DLG2: variants seen among roughly 807,000 people sequenced by gnomAD.
DLG2 encodes the protein discs large MAGUK scaffold protein 2, also known as disks large homolog 2.
DLG2 carries 45 observed loss-of-function variants against 132.5 expected under a neutral mutation model. That is an observed-to-expected ratio of 0.34 (90% CI 0.27 to 0.44). The LOEUF is 0.44. Among genes scored for constraint, DLG2 ranks in the 20% least tolerant of loss-of-function variants. The pLI, the probability that DLG2 is intolerant of heterozygous loss-of-function variation, is 1.00. For missense variants in DLG2, 1,045 were observed against 1,196.9 expected, an observed-to-expected ratio of 0.87 and a Z score of 1.87; for synonymous variants, 424 against 419.6, an observed-to-expected ratio of 1.01 and a Z score of -0.13.
At position 85,358,237 on chromosome 11, in the gene DLG2, T is replaced by C. The variant is rs370762834; in HGVS notation, c.41-72872A>G. Among the ~76,000 whole-genome samples the C allele has an allele frequency of 2.0e-5, 3 of 152,168 alleles. No individual in the cohort carries two copies. In the South Asian group the frequency reaches 6.2e-4, roughly 32 times the overall value. On this transcript the variant is annotated intron_variant, in intron 3 of 27. Coordinates refer to ENST00000376104, the MANE Select transcript of DLG2 (RefSeq NM_001142699.3). ...TTTAAAAAGAAATCACAGAAGTAGA[T>C]ACTGGGATTTTTCACTTCAATTACA...
chr11:83,554,814 G>C (rs900067500), intron 19 of DLG2, among the ~76,000 whole-genome samples: 6 of 152,128 alleles, frequency 3.9e-5, no homozygotes, highest in African/African-American at 1.4e-4. Flanking sequence ...TCTGAAAATA[G>C]TCAATACAGT....
At chr11:84,211,926 A>G (rs1054848570) in intron 8 of DLG2, among the ~76,000 whole-genome samples, 1 of 152,194 alleles carries the variant, frequency 6.6e-6, no homozygotes, top group Non-Finnish European at 1.5e-5. Flanking sequence ...CTTCTATTCT[A>G]TATAAGAGGA....
intron 3 of DLG2, among the ~76,000 whole-genome samples, chr11:85,400,453 A>C (rs1181352659): frequency 1.3e-5 from 2 of 148,368 alleles, no homozygotes; most frequent in Non-Finnish European, 3.0e-5. Flanking sequence ...AAGGATTATA[A>C]ATCATGCTGC....
At position 84,978,745 on chromosome 11, in the gene DLG2, C is replaced by A. The variant is rs1432725631; in HGVS notation, c.357+132916G>T. Among the ~76,000 whole-genome samples, 4 of 152,096 alleles carry A rather than the reference C, an allele frequency of 2.6e-5. No individual in the cohort carries two copies. In the East Asian group the frequency reaches 7.7e-4, roughly 29 times the overall value. On this transcript the variant is annotated intron_variant, in intron 6 of 27. Coordinates refer to ENST00000376104, the MANE Select transcript of DLG2 (RefSeq NM_001142699.3). The stretch of plus-strand genomic sequence containing the variant: ...AACCTAGGCAATACCTTTCAGGACA[C>A]AGGCATGGGCAAGGACGTCATGTCT...
At chr11:83,758,921 G>C (rs1038477420) in intron 18 of DLG2, among the ~76,000 whole-genome samples, 8 of 152,008 alleles carry the variant, frequency 5.3e-5, no homozygotes, top group African/African-American at 1.9e-4. Context: ...TGATGAAGCA[G>C]AAACTATAAA....
intron 3 of DLG2, among the ~76,000 whole-genome samples, chr11:85,519,494 C>T (rs576469387): frequency 7.2e-4 from 110 of 152,220 alleles, no homozygotes; most frequent in African/African-American, 2.6e-3. Context: ...CTGTACTTAC[C>T]CAATACCTGT....
rs188075729 is a variant in DLG2 at position 84,003,543 on chromosome 11, A to T, written c.920-22901T>A. Among the ~76,000 whole-genome samples, 145 of 152,244 alleles carry T rather than the reference A, an allele frequency of 9.5e-4. 2 individuals carry two copies. The East Asian group carries it at 0.018, about 19-fold the overall frequency. On this transcript the variant is annotated intron_variant, in intron 11 of 27. Coordinates refer to ENST00000376104, the MANE Select transcript of DLG2 (RefSeq NM_001142699.3). ...GCAGAAGGTGAACTGGAAGAAAGAC[A>T]CCTTCTTCACAAGGTGGCAGGAAGC...
intron 7 of DLG2, among the ~76,000 whole-genome samples, chr11:84,366,266 G>C (rs918918437): frequency 2.0e-5 from 3 of 151,932 alleles, no homozygotes; most frequent in African/African-American, 7.3e-5. Flanking sequence ...CAAATGCTGA[G>C]AGATTTTGTC....
At chr11:84,067,556 C>CCA (rs35165434) in intron 10 of DLG2, among the ~76,000 whole-genome samples, 6,495 of 148,820 alleles carry the variant, frequency 0.044, 374 homozygotes, top group African/African-American at 0.14. Context: ...ACACCCCCCA[C>CCA]CACACACACA....
chr11:84,585,113 T>C (rs2099526521), intron 6 of DLG2, among the ~76,000 whole-genome samples: 1 of 152,208 alleles, frequency 6.6e-6, no homozygotes, highest in East Asian at 1.9e-4. Context: ...AAATGTTTAA[T>C]ATTTTGCCTT....
chr11:85,089,537 A>G (rs1593986636), intron 6 of DLG2, among the ~76,000 whole-genome samples: 1 of 152,274 alleles, frequency 6.6e-6, no homozygotes, highest in South Asian at 2.1e-4. Context: ...CTGTTGATGG[A>G]CACCTAGGTG....
At chr11:83,600,666 C>T (rs1079415) in intron 19 of DLG2, among the ~76,000 whole-genome samples, 2,038 of 152,316 alleles carry the variant, frequency 0.013, 49 homozygotes, top group African/African-American at 0.046. Context: ...GGGTGCATTA[C>T]TGCCCACACA....
chr11:84,490,535 C>T (rs1253543906), intron 7 of DLG2, among the ~76,000 whole-genome samples: 1 of 151,282 alleles, frequency 6.6e-6, no homozygotes, highest in Non-Finnish European at 1.5e-5. Flanking sequence ...TGATGACTCT[C>T]AGCGGAGATT....
chr11:83,897,348 C>T lies in DLG2; in HGVS notation c.1497-22860G>A, dbSNP rs539861548. 2.0e-5 allele frequency among the ~76,000 whole-genome samples: 3 copies of T among 152,290 alleles called. No individual in the cohort carries two copies. In the South Asian group the frequency reaches 6.2e-4, roughly 32 times the overall value. On this transcript the variant is annotated intron_variant, in intron 15 of 27. Transcript: ENST00000376104. ...TGAGGAAACAAACAAAACAGAAAAGCATTGATTCAAAGGGAAGAACACAAA... is the reference window on the plus strand; with the variant it reads ...TGAGGAAACAAACAAAACAGAAAAGTATTGATTCAAAGGGAAGAACACAAA...
At chr11:83,505,186 T>C (rs1038226214) in intron 21 of DLG2, among the ~76,000 whole-genome samples, 1 of 152,208 alleles carries the variant, frequency 6.6e-6, no homozygotes, top group Non-Finnish European at 1.5e-5. Flanking sequence ...CTTTCCGTGA[T>C]GGAAGAGGTG....
At chr11:83,835,202 T>C (rs1014500307) in intron 16 of DLG2, among the ~76,000 whole-genome samples, 2 of 152,198 alleles carry the variant, frequency 1.3e-5, no homozygotes, top group Non-Finnish European at 2.9e-5. Flanking sequence ...GGAAGGTGTT[T>C]CAGGTGCTCA....
At chr11:85,230,834 C>T (rs1005096956) in intron 4 of DLG2, among the ~76,000 whole-genome samples, 1 of 151,808 alleles carries the variant, frequency 6.6e-6, no homozygotes, top group Non-Finnish European at 1.5e-5. Flanking sequence ...GGAATTAGCA[C>T]CCTTATAAAA....
chr11:83,702,157 T>G (rs1410803273), intron 18 of DLG2, among the ~76,000 whole-genome samples: 1 of 151,572 alleles, frequency 6.6e-6, no homozygotes, highest in African/African-American at 2.4e-5. Context: ...TAACTTTCAC[T>G]TTTTTTTTCC....
chr11:85,300,383 A>G (rs554592834), intron 3 of DLG2, among the ~76,000 whole-genome samples: 3 of 152,320 alleles, frequency 2.0e-5, no homozygotes, highest in Non-Finnish European at 4.4e-5. Context: ...ACCTGAGAAC[A>G]TAATACTGCC....
Sources: allele counts gnomAD v4.1 joint callset (sites outside exome capture counted in the v4.1 genomes callset), GRCh38; gene constraint gnomAD v4.1.1; transcripts MANE v1.5; gene names NCBI Gene and HGNC (gene_info 2026-07-23, HGNC 2026-07-21).